The following ZNF700 variants were observed in gnomAD, a reference collection of about 807,000 sequenced individuals.
ZNF700 encodes zinc finger protein 700.
In ZNF700, 38 loss-of-function variants were observed where a neutral mutation model predicts 65.3. The ratio of observed to expected loss-of-function variants is 0.58; its 90% CI spans 0.45 to 0.76. The LOEUF (loss-of-function observed/expected upper bound fraction) is 0.76. Among genes scored for constraint, ZNF700 ranks in the 30% least tolerant of loss-of-function variants. The pLI is 0.00. For missense variants in ZNF700, 857 were observed against 888.4 expected, an observed-to-expected ratio of 0.96 and a Z score of 0.45; for synonymous variants, 285 against 290.4, an observed-to-expected ratio of 0.98 and a Z score of 0.19.
intron 1 of ZNF700, among the ~76,000 whole-genome samples, chr19:11,926,305 C>G (rs974960433): frequency 2.6e-5 from 4 of 152,312 alleles, no homozygotes; most frequent in Admixed American, 2.0e-4. Flanking sequence ...TGTCTCACCT[C>G]CCATCCTGTC....
intron 1 of ZNF700, 140 bp downstream of exon 1, chr19:11,925,413 C>G: frequency 7.3e-7 from 1 of 1,371,898 alleles, no homozygotes; most frequent in Non-Finnish European, 9.7e-7. Context: ...GTTCGGCCCT[C>G]GGTCCCCTTG....
intron 1 of ZNF700, among the ~76,000 whole-genome samples, chr19:11,946,366 G>C (rs192308830): frequency 6.6e-6 from 1 of 152,158 alleles, no homozygotes; most frequent in African/African-American, 2.4e-5. Flanking sequence ...TAAGGACGGG[G>C]GGCATTGCTG....
At chr19:11,941,669 C>T (rs1046110499) in intron 1 of ZNF700, among the ~76,000 whole-genome samples, 9 of 152,194 alleles carry the variant, frequency 5.9e-5, no homozygotes, top group Non-Finnish European at 1.0e-4. Context: ...TTCCCGCTCG[C>T]GCCTCTCCCT....
At chr19:11,940,439 C>T (rs1374980446) in intron 1 of ZNF700, among the ~76,000 whole-genome samples, 2 of 151,880 alleles carry the variant, frequency 1.3e-5, no homozygotes, top group African/African-American at 2.4e-5. Context: ...CTCGCTGGCT[C>T]AGGAGTGAAG....
At chr19:11,927,600 ATG>A (rs1272437877) in intron 1 of ZNF700, among the ~76,000 whole-genome samples, 1 of 152,158 alleles carries the variant, frequency 6.6e-6, no homozygotes, top group East Asian at 1.9e-4. Context: ...ACCTGTGCCT[ATG>A]TGCATGTGGG....
At chr19:11,930,996 T>C (rs1599279025) in intron 1 of ZNF700, among the ~76,000 whole-genome samples, 2 of 141,222 alleles carry the variant, frequency 1.4e-5, no homozygotes, top group East Asian at 3.9e-4. Flanking sequence ...CAAAATTCCG[T>C]CTCAAAAAAA....
At position 11,949,696 on chromosome 19, in the gene ZNF700, C is replaced by T. The variant is rs1326853187; in HGVS notation, c.1672C>T (p.His558Tyr). 2 of 1,614,040 alleles carry T rather than the reference C, an allele frequency of 1.2e-6. No individual in the cohort carries two copies. Among genetic ancestry groups the T allele is most frequent in the African/African-American group, 1.3e-5 (1 of 74,984 alleles). The change falls in exon 4 of 4, where the codon CAC (histidine) becomes TAC (tyrosine). Residue 558 changes from histidine to tyrosine, a missense_variant. Physicochemically the swap from His to Tyr is moderately conservative, Grantham distance 83. Transcript: ENST00000254321. ...CNSLRYHERT[H>Y]TGEKPYECKQ... is the part of the protein sequence containing the mutation. The stretch of plus-strand genomic sequence containing the variant: ...TTCCCTTCGATATCATGAAAGGACT[C>T]ACACTGGAGAGAAACCCTATGAGTG...
At chr19:11,946,918 T>C in intron 1 of ZNF700, 1 of 536,540 alleles carries the variant, frequency 1.9e-6, no homozygotes, top group Non-Finnish European at 2.8e-6. Flanking sequence ...GAGAATCGCT[T>C]GAACCCCGGT....
At position 11,947,372 on chromosome 19, in the gene ZNF700, T is replaced by C. The variant is rs767762070; in HGVS notation, c.190+65T>C. On this transcript the variant is annotated intron_variant, in intron 2 of 3. Transcript: ENST00000254321. ...ACCAGTGTTTCTAGCTCATGAATGCTGTTGAGTGATTTTGAACATAGACAG... is the reference window on the plus strand; with the variant it reads ...ACCAGTGTTTCTAGCTCATGAATGCCGTTGAGTGATTTTGAACATAGACAG... 2.5e-6 allele frequency: 4 copies of C among 1,608,952 alleles called. No homozygotes were observed. In the South Asian group the frequency reaches 4.5e-5, roughly 18 times the overall value.
intron 1 of ZNF700, among the ~76,000 whole-genome samples, chr19:11,929,393 C>T (rs1281170926): frequency 1.3e-5 from 2 of 148,198 alleles, no homozygotes; most frequent in Non-Finnish European, 2.9e-5. Context: ...CAACTCCTGT[C>T]CTCAAGTGAT....
At chr19:11,926,294 C>T (rs1186398658) in intron 1 of ZNF700, among the ~76,000 whole-genome samples, 1 of 152,142 alleles carries the variant, frequency 6.6e-6, no homozygotes. Flanking sequence ...ATAAGGAGAC[C>T]TGTCTCACCT....
intron 1 of ZNF700, among the ~76,000 whole-genome samples, chr19:11,927,777 C>G (rs1237075756): frequency 6.6e-6 from 1 of 152,156 alleles, no homozygotes; most frequent in African/African-American, 2.4e-5. Flanking sequence ...TGTAAGGATA[C>G]TTGCAGGCAT....
rs376424986 is a variant in ZNF700 at position 11,939,408 on chromosome 19, C to T, written c.64-7773C>T. 5.5e-3 allele frequency among the ~76,000 whole-genome samples: 839 copies of T among 152,126 alleles called. 8 individuals are homozygous for T. Among genetic ancestry groups the T allele is most frequent in the African/African-American group, 0.019 (777 of 41,490 alleles). ...ATCTTGAATTAATTTTTGTATAAGGCGTAAGGAAGGGATCCAGTTTCAGCT... is the reference window on the plus strand; with the variant it reads ...ATCTTGAATTAATTTTTGTATAAGGTGTAAGGAAGGGATCCAGTTTCAGCT... On this transcript the variant is annotated intron_variant, in intron 1 of 3. Transcript: ENST00000254321.
chr19:11,940,395 G>A (rs1233587284), intron 1 of ZNF700, among the ~76,000 whole-genome samples: 1 of 152,120 alleles, frequency 6.6e-6, no homozygotes, highest in Non-Finnish European at 1.5e-5. Flanking sequence ...GTTTGGATGT[G>A]TTCAGAGTTT....
In ZNF700 at chr19:11,949,008, C is replaced by G. The variant is rs781560796; in HGVS notation, c.984C>G (p.His328Gln). Residue 328 changes from histidine to glutamine, a missense_variant, in exon 4 of 4, where the codon CAC becomes CAG. By Grantham distance (24) the His-to-Gln change is conservative. Coordinates refer to ENST00000254321, the MANE Select transcript of ZNF700 (RefSeq NM_144566.3). Reference sequence around the variant, plus strand: ...CTCTTCGTAGACATGAAAGGACCCACTCTGGGAAAAAACCGTATGAATGTA... The same window carrying G: ...CTCTTCGTAGACATGAAAGGACCCAGTCTGGGAAAAAACCGTATGAATGTA... ...TSSLRRHERT[H>Q]SGKKPYECKQ... 3 of 1,605,962 alleles carry G rather than the reference C, an allele frequency of 1.9e-6. No individual in the cohort carries two copies. The highest frequency in any genetic ancestry group is 4.5e-5 in the East Asian group (2 of 44,856).
intron 1 of ZNF700, among the ~76,000 whole-genome samples, chr19:11,935,531 T>G (rs1220817879): frequency 1.3e-5 from 2 of 151,970 alleles, no homozygotes; most frequent in Admixed American, 1.3e-4. Context: ...TGTGCCTGGC[T>G]TTTTGCTTCT....
chr19:11,949,652 A>G lies in ZNF700; in HGVS notation c.1628A>G (p.Lys543Arg). ...EKPYECNQCG[K>R]AFRCCNSLRY... ...CCCTATGAATGCAACCAATGTGGTA[A>G]AGCCTTCAGATGTTGCAATTCCCTT... The change falls in exon 4 of 4, where the codon AAA (lysine) becomes AGA (arginine). Residue 543 changes from lysine (K) to arginine (R), a missense_variant. Physicochemically the swap from Lys to Arg is conservative, Grantham distance 26 (BLOSUM62 2). Transcript: ENST00000254321. 1.2e-6 allele frequency: 2 copies of G among 1,614,024 alleles called. No individual in the cohort carries two copies. The highest frequency in any genetic ancestry group is 1.7e-6 in the Non-Finnish European group (2 of 1,179,998).
chr19:11,950,750 G>T lies in ZNF700; in HGVS notation c.*497G>T. 1 of 204,718 alleles carries T rather than the reference G, an allele frequency of 4.9e-6. No homozygotes were observed. The highest frequency in any genetic ancestry group is 1.0e-5 in the Non-Finnish European group (1 of 99,274). 12.7% of individuals were successfully genotyped at this position (204,718 alleles called of 1,614,324 possible). A position where few individuals can be genotyped will look rare whatever the true frequency, so the allele number is the denominator to read the frequency against. Reference sequence around the variant, plus strand: ...AGAAGGTATAATAAAATATCCCATTGGTTTTATGTATTAGATCAAGCTTAT... The same window carrying T: ...AGAAGGTATAATAAAATATCCCATTTGTTTTATGTATTAGATCAAGCTTAT... On this transcript the variant is annotated 3_prime_UTR_variant, in exon 4 of 4. Coordinates refer to ENST00000254321, the MANE Select transcript of ZNF700 (RefSeq NM_144566.3).
intron 1 of ZNF700, chr19:11,926,831 G>C (rs1329515805): frequency 6.5e-6 from 1 of 153,342 alleles, no homozygotes; most frequent in East Asian, 1.9e-4. Flanking sequence ...TAATAGAAAG[G>C]TCAAGATTTC....
Sources: gnomAD v4.1 joint callset for allele counts (sites outside exome capture counted in the v4.1 genomes callset) on GRCh38, gnomAD v4.1.1 for gene constraint, MANE v1.5 for transcripts, NCBI Gene and HGNC (gene_info 2026-07-23, HGNC 2026-07-21) for gene names.